SLC17A1: variants seen among roughly 807,000 people sequenced by gnomAD.
The protein encoded by SLC17A1 is sodium-dependent phosphate transport protein 1.
Under a neutral mutation model 53.5 loss-of-function variants are expected in SLC17A1, and 51 were observed. The ratio of observed to expected loss-of-function variants is 0.95; its 90% CI spans 0.76 to 1.20. The LOEUF (loss-of-function observed/expected upper bound fraction) is 1.20. SLC17A1 is among the 50% of genes most tolerant of loss of function. SLC17A1 has a pLI of 0.00. For missense variants in SLC17A1, 538 were observed against 568.2 expected (o/e 0.95, Z 0.54); for synonymous variants, 179 against 198.8 (o/e 0.90, Z 0.84).
At chr6:25,813,292 A>C (rs926297800) in intron 6 of SLC17A1, 79 bp from the exon 7 acceptor site, 5 of 1,178,732 alleles carry the variant, frequency 4.2e-6, no homozygotes, top group Non-Finnish European at 5.1e-6. Context: ...TTTTCAATGT[A>C]TCAGTCTGAG....
intron 1 of SLC17A1, among the ~76,000 whole-genome samples, chr6:25,831,527 C>T (rs1397224961): frequency 6.6e-6 from 1 of 152,108 alleles, no homozygotes; most frequent in Non-Finnish European, 1.5e-5. Context: ...ACAACATAAA[C>T]ACATGGTACA....
intron 12 of SLC17A1, among the ~76,000 whole-genome samples, chr6:25,794,568 C>G (rs1274350624): frequency 2.0e-5 from 3 of 152,090 alleles, no homozygotes; most frequent in Non-Finnish European, 4.4e-5. Flanking sequence ...CATTACAAAA[C>G]CTAGAGAACT....
intron 8 of SLC17A1, among the ~76,000 whole-genome samples, chr6:25,812,249 A>G (rs1764183114): frequency 6.6e-6 from 1 of 152,186 alleles, no homozygotes; most frequent in African/African-American, 2.4e-5. Context: ...GAAGCTCATT[A>G]CAGAATGCGG....
At chr6:25,770,329 G>A in the SLC17A1 span, 1 of 1,613,646 alleles carries the variant, frequency 6.2e-7, no homozygotes. Context: ...GGTATAAGTG[G>A]AATATAGGTT....
intron 3 of SLC17A1, among the ~76,000 whole-genome samples, chr6:25,820,267 T>A (rs529666833): frequency 6.6e-6 from 1 of 152,324 alleles, no homozygotes; most frequent in Non-Finnish European, 1.5e-5. Flanking sequence ...TTCCTGTACT[T>A]CATAGTACTA....
the SLC17A1 span, among the ~76,000 whole-genome samples, chr6:25,772,290 T>A: frequency 1.3e-5 from 2 of 152,190 alleles, no homozygotes; most frequent in Non-Finnish European, 2.9e-5. Flanking sequence ...AATATTAACA[T>A]CCTCCAACCC....
intron 10 of SLC17A1, among the ~76,000 whole-genome samples, chr6:25,804,774 A>T (rs9467604): frequency 0.28 from 42,271 of 151,926 alleles, 6,374 homozygotes; most frequent in African/African-American, 0.4. Context: ...CACAACAGTA[A>T]AAAAAGACAA....
intron 12 of SLC17A1, among the ~76,000 whole-genome samples, chr6:25,793,996 T>C (rs1332046259): frequency 6.6e-6 from 1 of 152,322 alleles, no homozygotes; most frequent in East Asian, 1.9e-4. Context: ...ACTTTGAGTT[T>C]CCATAAAACC....
At chr6:25,726,391 G>C in the SLC17A1 span, 1 of 1,614,144 alleles carries the variant, frequency 6.2e-7, no homozygotes, top group South Asian at 1.1e-5. Flanking sequence ...TGGTGCGCCT[G>C]CCCCTATCCG....
downstream of SLC17A1, chr6:25,779,976 C>CT (rs1330445742): frequency 6.6e-6 from 1 of 152,208 alleles, no homozygotes; most frequent in African/African-American, 2.4e-5. Flanking sequence ...GTTTGCCCCT[C>CT]TGACTGTTGG....
the SLC17A1 span, among the ~76,000 whole-genome samples, chr6:25,766,954 A>T: frequency 6.6e-6 from 1 of 152,222 alleles, no homozygotes; most frequent in Non-Finnish European, 1.5e-5. Context: ...AGAGATCTGA[A>T]TAAACTGTGG....
At chr6:25,800,108 T>C (rs560701786) in intron 11 of SLC17A1, among the ~76,000 whole-genome samples, 2 of 152,284 alleles carry the variant, frequency 1.3e-5, no homozygotes, top group South Asian at 2.1e-4. Context: ...ATAAAGTTTA[T>C]ATGTGATCCA....
At chr6:25,830,065 G>A (rs773726910) in intron 2 of SLC17A1, among the ~76,000 whole-genome samples, 1 of 152,002 alleles carries the variant, frequency 6.6e-6, no homozygotes, top group Non-Finnish European at 1.5e-5. Flanking sequence ...TTGACACAAC[G>A]CTAAACCAAT....
the SLC17A1 span, among the ~76,000 whole-genome samples, chr6:25,730,246 A>G: frequency 6.6e-4 from 101 of 152,358 alleles, no homozygotes; most frequent in Middle Eastern, 3.4e-3. Context: ...TAGACAAGAT[A>G]TAGAAAGAAC....
chr6:25,732,627 T>G, the SLC17A1 span: 1 of 1,167,518 alleles, frequency 8.6e-7, no homozygotes, highest in South Asian at 1.2e-5. Context: ...CACCCTGGAG[T>G]TGGCGGGCAA....
At chr6:25,726,079 G>C in the SLC17A1 span, 1 of 1,465,856 alleles carries the variant, frequency 6.8e-7, no homozygotes, top group Non-Finnish European at 9.1e-7. Flanking sequence ...GCTCTGAAAA[G>C]AGCCTTTTGT....
At chr6:25,790,446 A>G (rs1763478011) in intron 12 of SLC17A1, among the ~76,000 whole-genome samples, 1 of 152,168 alleles carries the variant, frequency 6.6e-6, no homozygotes, top group African/African-American at 2.4e-5. Flanking sequence ...TATTTTTGAT[A>G]CTAAGAAGTT....
chr6:25,781,964 G>A (rs771728818), downstream of SLC17A1, among the ~76,000 whole-genome samples: 1 of 152,212 alleles, frequency 6.6e-6, no homozygotes, highest in Non-Finnish European at 1.5e-5. Context: ...TTAAGATTGT[G>A]AGAAGGTGCT....
intron 7 of SLC17A1, 43 bp downstream of exon 7, chr6:25,813,052 G>T: frequency 6.2e-7 from 1 of 1,611,248 alleles, no homozygotes; most frequent in South Asian, 1.1e-5. Context: ...GTTTAGTTTG[G>T]AGTAGAATCT....
Sources: gnomAD v4.1 joint callset for allele counts (sites outside exome capture counted in the v4.1 genomes callset) on GRCh38, gnomAD v4.1.1 for gene constraint, MANE v1.5 for transcripts, NCBI Gene and HGNC (gene_info 2026-07-23, HGNC 2026-07-21) for gene names.